Variants in GLIS3 observed in about 807,000 individuals in gnomAD.
GLIS3 encodes zinc finger protein GLIS3.
GLIS3 carries 53 observed loss-of-function variants against 78.6 expected under a neutral mutation model. The ratio of observed to expected loss-of-function variants is 0.67; its 90% CI spans 0.54 to 0.85. The LOEUF is 0.85. Among genes scored for constraint, GLIS3 ranks in the 40% least tolerant of loss-of-function variants. The probability of loss-of-function intolerance (pLI) is 0.00; values close to 1 mark genes in which losing one functional copy is unlikely to be tolerated. For missense variants in GLIS3, 1,703 were observed against 1,231.1 expected (o/e 1.38, Z -5.74); for synonymous variants, 684 against 509.9 (o/e 1.34, Z -4.60).
At chr9:4,470,806 G>A in the GLIS3 span, among the ~76,000 whole-genome samples, 3 of 150,438 alleles carry the variant, frequency 2.0e-5, no homozygotes, top group Non-Finnish European at 4.4e-5. Context: ...AAAAGAGGAA[G>A]TCAAATTGTC....
the GLIS3 span, among the ~76,000 whole-genome samples, chr9:4,366,666 G>A: frequency 1.3e-5 from 2 of 152,216 alleles, no homozygotes; most frequent in East Asian, 1.9e-4. Context: ...TTGCGATGGC[G>A]ACGAGGAGAG....
intron 4 of GLIS3, among the ~76,000 whole-genome samples, chr9:4,057,815 C>G (rs771224432): frequency 2.6e-5 from 4 of 152,038 alleles, no homozygotes; most frequent in Non-Finnish European, 5.9e-5. Flanking sequence ...GAAAAAGGAT[C>G]GTCACTGAGA....
chr9:4,397,042 T>C, the GLIS3 span, among the ~76,000 whole-genome samples: 1 of 147,678 alleles, frequency 6.8e-6, no homozygotes, highest in African/African-American at 2.5e-5. Flanking sequence ...TTTTTTTTTT[T>C]TGAGAAAGAG....
At chr9:3,989,082 T>A (rs944754357) in intron 4 of GLIS3, among the ~76,000 whole-genome samples, 1 of 151,914 alleles carries the variant, frequency 6.6e-6, no homozygotes, top group Non-Finnish European at 1.5e-5. Flanking sequence ...GCAATCCAAA[T>A]AGAAAATGGG....
chr9:4,292,754 G>A (rs1164595691), intron 1 of GLIS3, among the ~76,000 whole-genome samples: 1 of 152,156 alleles, frequency 6.6e-6, no homozygotes, highest in Non-Finnish European at 1.5e-5. Context: ...GCAGGGGATA[G>A]GTAACTTCCC....
chr9:3,890,501 A>T (rs1236966246), intron 7 of GLIS3, among the ~76,000 whole-genome samples: 1 of 152,182 alleles, frequency 6.6e-6, no homozygotes, highest in African/African-American at 2.4e-5. Context: ...TTAAGCAAGA[A>T]GGAAAGAAAA....
chr9:3,979,912 G>A (rs1451475428), intron 4 of GLIS3, among the ~76,000 whole-genome samples: 3 of 152,204 alleles, frequency 2.0e-5, no homozygotes, highest in African/African-American at 7.2e-5. Context: ...GCGGGGAGGA[G>A]CAGACCGACA....
chr9:4,383,166 A>G, the GLIS3 span, among the ~76,000 whole-genome samples: 2 of 152,222 alleles, frequency 1.3e-5, no homozygotes, highest in Non-Finnish European at 2.9e-5. Context: ...TAGGCCTCCC[A>G]CTGGCCCAAG....
chr9:4,232,382 TAAAAAAAA>T (rs56725850), intron 2 of GLIS3, among the ~76,000 whole-genome samples: 4 of 101,660 alleles, frequency 3.9e-5, no homozygotes, highest in South Asian at 3.8e-4. Flanking sequence ...CCTTGTCTCT[TAAAAAAAA>T]AAAAAAAAAA....
At chr9:4,324,491 C>T (rs1817575046) in intron 2 of GLIS3, among the ~76,000 whole-genome samples, 1 of 152,190 alleles carries the variant, frequency 6.6e-6, no homozygotes, top group African/African-American at 2.4e-5. Context: ...TCTTTGTCAA[C>T]TATAAGAGAC....
At chr9:4,010,414 T>C (rs957565989) in intron 4 of GLIS3, among the ~76,000 whole-genome samples, 1 of 152,152 alleles carries the variant, frequency 6.6e-6, no homozygotes, top group African/African-American at 2.4e-5. Flanking sequence ...GAGTTAGCAT[T>C]CCTCTCCCCT....
chr9:4,001,229 A>G (rs565657268), intron 4 of GLIS3, among the ~76,000 whole-genome samples: 1 of 152,358 alleles, frequency 6.6e-6, no homozygotes, highest in African/African-American at 2.4e-5. Context: ...AAATTAAGAG[A>G]GAAAGAATAA....
At chr9:4,314,568 C>A (rs1817411906) in intron 2 of GLIS3, among the ~76,000 whole-genome samples, 1 of 152,248 alleles carries the variant, frequency 6.6e-6, no homozygotes, top group Non-Finnish European at 1.5e-5. Context: ...CTGTCACTCA[C>A]AGTGCAGGGT....
intron 2 of GLIS3, among the ~76,000 whole-genome samples, chr9:4,266,353 C>G (rs1826005947): frequency 6.6e-6 from 1 of 152,110 alleles, no homozygotes; most frequent in African/African-American, 2.4e-5. Flanking sequence ...CCAATGGACC[C>G]CTCTCAGTCT....
chr9:3,968,970 A>C lies in GLIS3; in HGVS notation c.1711-31781T>G, dbSNP rs144549404. Among the ~76,000 whole-genome samples, 198 of 152,336 alleles carry C rather than the reference A, an allele frequency of 1.3e-3. 1 individual carries two copies. The highest frequency in any genetic ancestry group is 4.3e-3 in the African/African-American group (179 of 41,576). ...GTCTAGGGACAAGACACCCTTTGCA[A>C]AAGTGTGTTAGGCTCCATCAAAACG... On this transcript the variant is annotated intron_variant, in intron 4 of 10. Transcript: ENST00000381971.
intron 8 of GLIS3, among the ~76,000 whole-genome samples, chr9:3,871,140 T>C (rs548862324): frequency 7.2e-5 from 11 of 152,340 alleles, no homozygotes; most frequent in African/African-American, 2.4e-4. Flanking sequence ...TTTGACTCCA[T>C]GTCTCATACC....
At position 3,825,192 on chromosome 9, in the gene GLIS3, A is replaced by G. The variant is rs918362796; in HGVS notation, c.*3080T>C. 6.6e-6 allele frequency: 1 copy of G among 152,162 alleles called. No homozygotes were observed. The highest frequency in any genetic ancestry group is 1.5e-5 in the Non-Finnish European group (1 of 68,024). The allele number at this position is 152,162 out of a possible 1,614,324, so 9.4% of individuals were successfully genotyped here. On this transcript the variant is annotated 3_prime_UTR_variant, in exon 11 of 11. Transcript: ENST00000381971. ...ATTTAGAAACAACTGAACAAAGCCA[A>G]CACTCTTATCAGTGGTAACTCTGCT...
the GLIS3 span, among the ~76,000 whole-genome samples, chr9:4,406,298 G>A: frequency 5.9e-5 from 9 of 152,326 alleles, no homozygotes; most frequent in African/African-American, 1.9e-4. Context: ...CTTGTTTGCA[G>A]ATGAGCAGAT....
chr9:4,195,030 C>A (rs1818682101), intron 2 of GLIS3, among the ~76,000 whole-genome samples: 1 of 152,214 alleles, frequency 6.6e-6, no homozygotes, highest in Non-Finnish European at 1.5e-5. Flanking sequence ...GGGTAGGGGC[C>A]TCCACAGCCA....
Sources: gnomAD v4.1 joint callset for allele counts (sites outside exome capture counted in the v4.1 genomes callset) on GRCh38, gnomAD v4.1.1 for gene constraint, MANE v1.5 for transcripts, NCBI Gene and HGNC (gene_info 2026-07-23, HGNC 2026-07-21) for gene names.